Variants in ABCA9 observed in about 807,000 individuals in gnomAD.
The protein encoded by ABCA9 is ATP binding cassette subfamily A member 9.
ABCA9 carries 183 observed loss-of-function variants against 205.3 expected under a neutral mutation model. The ratio of observed to expected loss-of-function variants is 0.89; its 90% CI spans 0.79 to 1.01. ABCA9 has a LOEUF of 1.01. Ranked by LOEUF, ABCA9 falls within the 50% of genes least tolerant of loss-of-function variation. The pLI is 0.00. For synonymous variants in ABCA9, 651 were observed against 683.3 expected (o/e 0.95, Z 0.74); for missense variants, 1,805 against 1,912.4 (o/e 0.94, Z 1.05).
chr17:69,004,228 T>A (rs1036726098), intron 25 of ABCA9, among the ~76,000 whole-genome samples: 1 of 152,178 alleles, frequency 6.6e-6, no homozygotes, highest in African/African-American at 2.4e-5. Flanking sequence ...TCTGTTCTGT[T>A]TTTTCCCCAT....
chr17:68,985,311 A>C (rs1394079095), intron 32 of ABCA9, among the ~76,000 whole-genome samples, 183 bp from the exon 33 acceptor site: 1 of 152,190 alleles, frequency 6.6e-6, no homozygotes, highest in African/African-American at 2.4e-5. Flanking sequence ...ATTTTCAATG[A>C]TGTCTTTCCA....
intron 20 of ABCA9, 60 bp from the exon 21 acceptor site, chr17:69,017,849 T>G: frequency 6.4e-7 from 1 of 1,552,448 alleles, no homozygotes; most frequent in Non-Finnish European, 8.9e-7. Flanking sequence ...TCAAGTAATA[T>G]TAAAAATACA....
chr17:69,049,437 A>G lies in ABCA9; in HGVS notation c.150T>C (p.Asn50=), dbSNP rs772904801. The G allele has an allele frequency of 3.1e-6, 5 of 1,613,238 alleles. No individual in the cohort carries two copies. Among genetic ancestry groups the G allele is most frequent in the Non-Finnish European group, 4.2e-6 (5 of 1,179,480 alleles). ...GAGGAGTGTCATGAACTTGATGTAA[A>G]TTGGAGAAAAATAGGTACAGAAACA... ...LVLFLYLFFS[N]LHQVHDTPQM... Residue 50 remains asparagine (N), a synonymous_variant, in exon 3 of 39, where the codon AAT becomes AAC. Coordinates refer to ENST00000340001, the MANE Select transcript of ABCA9 (RefSeq NM_080283.4).
chr17:68,984,402 T>C (rs527457419), intron 34 of ABCA9, among the ~76,000 whole-genome samples: 89 of 152,286 alleles, frequency 5.8e-4, no homozygotes, highest in African/African-American at 2.0e-3. Flanking sequence ...ATAAAAATAC[T>C]AAGTTCAGAA....
intron 37 of ABCA9, among the ~76,000 whole-genome samples, chr17:68,977,347 A>G (rs894684665): frequency 6.6e-6 from 1 of 152,142 alleles, no homozygotes; most frequent in Admixed American, 6.5e-5. Flanking sequence ...AGGGCCAGCA[A>G]TTCTTCATTT....
At chr17:68,986,373 A>C in intron 31 of ABCA9, 49 bp from the exon 32 acceptor site, 1 of 1,513,982 alleles carries the variant, frequency 6.6e-7, no homozygotes, top group Non-Finnish European at 8.9e-7. Context: ...TGTCACGTAT[A>C]TGTATATGCA....
At position 69,027,071 on chromosome 17, in the gene ABCA9, G is replaced by T; in HGVS notation, c.1955C>A (p.Ser652Ter). Reference protein sequence around the residue: ...DEPTAGLDPLSRHRIWNLLKE... With the variant: ...DEPTAGLDPL ...CAGGAGATTCCATATTCGGTGCCTTGAAAGAGGATCCAATCCAGCAGTCGG... is the reference window on the plus strand; with the variant it reads ...CAGGAGATTCCATATTCGGTGCCTTTAAAGAGGATCCAATCCAGCAGTCGG... The change falls in exon 15 of 39, where the codon TCA becomes TAA. Residue 652 changes from serine to a stop codon, truncating the protein, a stop_gained. Transcript: ENST00000340001. LOFTEE classifies it high-confidence loss of function. 6.2e-7 allele frequency: 1 copy of T among 1,614,152 alleles called. No homozygotes were observed. The highest frequency in any genetic ancestry group is 8.5e-7 in the Non-Finnish European group (1 of 1,180,008).
chr17:68,976,324 G>A, intron 37 of ABCA9, 134 bp from the exon 38 acceptor site: 1 of 751,276 alleles, frequency 1.3e-6, no homozygotes, highest in South Asian at 1.8e-5. Context: ...GACTAAATAT[G>A]GGAAAGCAAA....
At chr17:69,029,137 C>G in intron 11 of ABCA9, 32 bp downstream of exon 11, 1 of 1,363,504 alleles carries the variant, frequency 7.3e-7, no homozygotes, top group Non-Finnish European at 1.0e-6. Flanking sequence ...CTAAATCAAG[C>G]AGCCCCATTA....
Position 69,043,691 on chromosome 17 carries a change from C to A in ABCA9, c.598G>T (p.Glu200Ter). Residue 200 changes from glutamate to a stop codon, truncating the protein, a stop_gained, in exon 6 of 39, where the codon GAA becomes TAA. Coordinates refer to ENST00000340001, the MANE Select transcript of ABCA9 (RefSeq NM_080283.4). LOFTEE classifies it high-confidence loss of function. ...IEIATNHSVM[E>*]QLMSVTGVHM... is the part of the protein sequence containing the mutation. ...ACACCAGTAACTGACATCAGCTGTT[C>A]CATCACTGAATGATTTGTTGCGATC... 6.2e-7 allele frequency: 1 copy of A among 1,604,846 alleles called. No individual in the cohort carries two copies. Among genetic ancestry groups the A allele is most frequent in the Non-Finnish European group, 8.5e-7 (1 of 1,177,024 alleles).
In ABCA9 at chr17:68,983,777, G is replaced by T. The variant is rs888479061; in HGVS notation, c.4572C>A (p.Asn1524Lys). Residue 1524 changes from asparagine to lysine, a missense_variant, in exon 36 of 39, where the codon AAC becomes AAA. Transcript: ENST00000340001. Reference sequence around the variant, plus strand: ...CATGGAGGGGCTCCATTTGTGCCAGGTTCTTCAGCTTCATCTCCAGCAGGT... The same window carrying T: ...CATGGAGGGGCTCCATTTGTGCCAGTTTCTTCAGCTTCATCTCCAGCAGGT... ...KDYLLEMKLKNLAQMEPLHAE... is the reference protein window; with the variant it reads ...KDYLLEMKLKKLAQMEPLHAE... 6 of 1,614,080 alleles carry T rather than the reference G, an allele frequency of 3.7e-6. No homozygotes were observed. Among genetic ancestry groups the T allele is most frequent in the Non-Finnish European group, 5.1e-6 (6 of 1,180,042 alleles).
intron 37 of ABCA9, among the ~76,000 whole-genome samples, chr17:68,980,064 C>A (rs1458267124): frequency 3.3e-5 from 5 of 152,136 alleles, no homozygotes; most frequent in Non-Finnish European, 5.9e-5. Context: ...CCAGAATCTA[C>A]AATGAACTCA....
intron 6 of ABCA9, chr17:69,042,445 T>A (rs1043921028): frequency 6.6e-6 from 1 of 152,214 alleles, no homozygotes. Context: ...CTTACCACAG[T>A]GCTCTACGGC....
At chr17:69,003,100 G>T (rs2069952867) in intron 25 of ABCA9, among the ~76,000 whole-genome samples, 1 of 151,108 alleles carries the variant, frequency 6.6e-6, no homozygotes, top group South Asian at 2.1e-4. Flanking sequence ...TTTAATTGGA[G>T]CATTTAGTCC....
intron 26 of ABCA9, among the ~76,000 whole-genome samples, chr17:68,995,658 T>C (rs2069593861): frequency 6.6e-6 from 1 of 150,458 alleles, no homozygotes; most frequent in Non-Finnish European, 1.5e-5. Context: ...AGAGTTATCA[T>C]GAGAACTAAA....
At chr17:69,007,728 G>A (rs766235672) in intron 25 of ABCA9, 31 bp downstream of exon 25, 2 of 1,313,012 alleles carry the variant, frequency 1.5e-6, no homozygotes, top group Non-Finnish European at 2.2e-6. Flanking sequence ...ATGAAAAATG[G>A]TAAAATAATA....
chr17:68,992,251 G>A lies in ABCA9; in HGVS notation c.3640C>T (p.Leu1214Phe). The A allele has an allele frequency of 1.3e-6, 2 of 1,588,576 alleles. No individual in the cohort carries two copies. Among genetic ancestry groups the A allele is most frequent in the Non-Finnish European group, 1.7e-6 (2 of 1,165,188 alleles). The change falls in exon 28 of 39, where the codon CTC becomes TTC. Residue 1214 changes from leucine (L) to phenylalanine (F), a missense_variant. Leu to Phe is a conservative substitution (Grantham distance 22, BLOSUM62 0). Transcript: ENST00000340001. The stretch of plus-strand genomic sequence containing the variant: ...CATCGCAGAATGAAAAGAAAAATGA[G>A]AAAATGAAGGTAAGGCTAGGGAAAA... ...LALLIPYLHF[L>F]IFLFILRCLE...
chr17:69,035,230 T>A lies in ABCA9; in HGVS notation c.1128+16A>T. ...GAACGGTTTGTAAAAAGTGAAAGTG[T>A]TACCTTAACTCTTACCTGGGCCATC... On this transcript the variant is annotated intron_variant, in intron 8 of 38. Coordinates refer to ENST00000340001, the MANE Select transcript of ABCA9 (RefSeq NM_080283.4). The A allele has an allele frequency of 1.3e-6, 2 of 1,511,606 alleles. No homozygotes were observed. The highest frequency in any genetic ancestry group is 1.8e-6 in the Non-Finnish European group (2 of 1,131,952). The allele number at this position is 1,511,606 out of a possible 1,614,324, so 93.6% of individuals were successfully genotyped here. A position where few individuals can be genotyped will look rare whatever the true frequency, so the allele number is the denominator to read the frequency against.
chr17:68,987,304 G>GGAGA (rs1366900271), intron 31 of ABCA9, among the ~76,000 whole-genome samples: 7 of 152,156 alleles, frequency 4.6e-5, no homozygotes, highest in African/African-American at 1.7e-4. Context: ...CCAGTACAAA[G>GGAGA]GAGAGAGCTA....
Sources: gnomAD v4.1 joint callset for allele counts (sites outside exome capture counted in the v4.1 genomes callset) on GRCh38, gnomAD v4.1.1 for gene constraint, MANE v1.5 for transcripts, NCBI Gene and HGNC (gene_info 2026-07-23, HGNC 2026-07-21) for gene names.